KIRREL3: variants seen among roughly 807,000 people sequenced by gnomAD.
KIRREL3 encodes the protein kirre like nephrin family adhesion molecule 3.
KIRREL3 carries 36 observed loss-of-function variants against 89.7 expected under a neutral mutation model. That is an observed-to-expected ratio of 0.40 (90% CI 0.31 to 0.53). The LOEUF (loss-of-function observed/expected upper bound fraction) is 0.53, where lower values mean the gene tolerates loss of function less well. KIRREL3 is among the 20% of genes least tolerant of loss of function. The pLI, the probability that KIRREL3 is intolerant of heterozygous loss-of-function variation, is 0.49. For missense variants in KIRREL3, 864 were observed against 1,056.6 expected (o/e 0.82, Z 2.53); for synonymous variants, 445 against 441.4 (o/e 1.01, Z -0.10).
intron 1 of KIRREL3, among the ~76,000 whole-genome samples, chr11:126,680,311 C>T (rs753265024): frequency 2.6e-5 from 4 of 152,116 alleles, no homozygotes; most frequent in African/African-American, 4.8e-5. Flanking sequence ...TTCTTGGAAA[C>T]GTGCCAGCTA....
Position 126,474,308 on chromosome 11 carries a change from A to C in KIRREL3, c.434-842T>G, listed in dbSNP as rs933717499. ...TGCTGTCTGAGTTAGTCCTCACAAC[A>C]GTCTGGTGAGGTCAACATTACCACC... On this transcript the variant is annotated intron_variant, in intron 4 of 16. Coordinates refer to ENST00000525144, the MANE Select transcript of KIRREL3 (RefSeq NM_032531.4). The surrounding 1 kb of genome is among the most constrained non-coding windows in gnomAD (Gnocchi z 6.7). Among the ~76,000 whole-genome samples, 2 of 152,194 alleles carry C rather than the reference A, an allele frequency of 1.3e-5. No homozygotes were observed. The highest frequency in any genetic ancestry group is 4.8e-5 in the African/African-American group (2 of 41,456).
At chr11:126,841,402 C>A (rs569343130) in intron 1 of KIRREL3, among the ~76,000 whole-genome samples, 1 of 152,174 alleles carries the variant, frequency 6.6e-6, no homozygotes, top group Non-Finnish European at 1.5e-5. Context: ...CCACATATCC[C>A]CAGCAGCCAG....
At chr11:126,630,005 C>G (rs759704389) in intron 1 of KIRREL3, among the ~76,000 whole-genome samples, 36 of 152,194 alleles carry the variant, frequency 2.4e-4, no homozygotes, top group Non-Finnish European at 4.4e-4. Context: ...ATAGATTCAC[C>G]TGTTCTTTTC....
At chr11:126,893,153 C>T (rs909291995) in intron 1 of KIRREL3, among the ~76,000 whole-genome samples, 1 of 152,142 alleles carries the variant, frequency 6.6e-6, no homozygotes, top group African/African-American at 2.4e-5. Context: ...CCCACGCTTC[C>T]CTCACATCCG....
At chr11:126,974,035 C>T (rs1022103497) in intron 1 of KIRREL3, among the ~76,000 whole-genome samples, 2 of 152,144 alleles carry the variant, frequency 1.3e-5, no homozygotes, top group African/African-American at 4.8e-5. Context: ...GCAGGTGCCA[C>T]ATCTAGCTCT....
In KIRREL3 at chr11:126,713,370, G is replaced by A. The variant is rs542373721; in HGVS notation, c.56-150458C>T. On this transcript the variant is annotated intron_variant, in intron 1 of 16. Transcript: ENST00000525144. ...GTGGGCCAAGGTGGGGAGGGGATGA[G>A]GGCAGGGCTAGGGGCAGGGCCCCAG... is the stretch of plus-strand genomic sequence containing the variant. Among the ~76,000 whole-genome samples, 161 of 152,350 alleles carry A rather than the reference G, an allele frequency of 1.1e-3. 2 individuals are homozygous for A. In the South Asian group the frequency reaches 0.024, roughly 23 times the overall value.
intron 2 of KIRREL3, among the ~76,000 whole-genome samples, chr11:126,536,601 G>A (rs1937899192): frequency 6.6e-6 from 1 of 150,610 alleles, no homozygotes; most frequent in Non-Finnish European, 1.5e-5. Flanking sequence ...CCTGATGTGG[G>A]ATCGGGGGTG....
chr11:126,486,514 T>C lies in KIRREL3; in HGVS notation c.434-13048A>G, dbSNP rs1457069978. On this transcript the variant is annotated intron_variant, in intron 4 of 16. Transcript: ENST00000525144. This position sits in a 1 kb window ranked among gnomAD's most constrained non-coding sequence, Gnocchi z 6.2. ...CCGGCACATGCCCCCTTGCAGCCGC[T>C]CACAAAGCTCTCCAGCTGGTTTCGA... Among the ~76,000 whole-genome samples, 1 of 152,226 alleles carries C rather than the reference T, an allele frequency of 6.6e-6. No homozygotes were observed. Among genetic ancestry groups the C allele is most frequent in the East Asian group, 1.9e-4 (1 of 5,192 alleles).
intron 7 of KIRREL3, among the ~76,000 whole-genome samples, chr11:126,449,594 G>A (rs1304523468): frequency 2.6e-5 from 4 of 152,158 alleles, no homozygotes; most frequent in Non-Finnish European, 2.9e-5. Context: ...AGGGTCAAAC[G>A]GAGCATGCCC....
At position 126,903,963 on chromosome 11, in the gene KIRREL3, T is replaced by C. The variant is rs956531966; in HGVS notation, c.55+96492A>G. Among the ~76,000 whole-genome samples the C allele has an allele frequency of 3.3e-5, 5 of 152,170 alleles. No homozygotes were observed. Among genetic ancestry groups the C allele is most frequent in the Admixed American group, 6.5e-5 (1 of 15,280 alleles). ...TCACCCTGGAACAGAACCAGTTCTT[T>C]ACAAGGTGACCCTATAATAGCTATC... is the stretch of plus-strand genomic sequence containing the variant. On this transcript the variant is annotated intron_variant, in intron 1 of 16. Transcript: ENST00000525144. The surrounding 1 kb of genome is among the most constrained non-coding windows in gnomAD (Gnocchi z 4.5).
chr11:126,993,116 A>C lies in KIRREL3; in HGVS notation c.55+7339T>G, dbSNP rs1950083596. Among the ~76,000 whole-genome samples, 1 of 152,260 alleles carries C rather than the reference A, an allele frequency of 6.6e-6. No individual in the cohort carries two copies. The highest frequency in any genetic ancestry group is 1.5e-5 in the Non-Finnish European group (1 of 68,050). ...CATTTTTAGCCCCATGTGAAACACA[A>C]GAAATACCAAGAAGTAAAAATAACA... On this transcript the variant is annotated intron_variant, in intron 1 of 16. Transcript: ENST00000525144. This position sits in a 1 kb window ranked among gnomAD's most constrained non-coding sequence, Gnocchi z 6.1.
In KIRREL3 at chr11:126,541,065, C is replaced by A. The variant is rs927945998; in HGVS notation, c.134-14378G>T. On this transcript the variant is annotated intron_variant, in intron 2 of 16. Coordinates refer to ENST00000525144, the MANE Select transcript of KIRREL3 (RefSeq NM_032531.4). This position sits in a 1 kb window ranked among gnomAD's most constrained non-coding sequence, Gnocchi z 4.8. ...CGGCTATGGGCAGGCTCGGCTACAG[C>A]AGACAGAGTGCCCATCAACCCCTCT... 1.3e-5 allele frequency among the ~76,000 whole-genome samples: 2 copies of A among 152,294 alleles called. No individual in the cohort carries two copies. Among genetic ancestry groups the A allele is most frequent in the East Asian group, 3.9e-4 (2 of 5,174 alleles).
intron 4 of KIRREL3, among the ~76,000 whole-genome samples, chr11:126,506,777 A>ATT (rs35672890): frequency 0.12 from 18,567 of 148,818 alleles, 1,253 homozygotes; most frequent in Middle Eastern, 0.2. Flanking sequence ...CATAGCAACA[A>ATT]TTTTTTTTTT....
intron 1 of KIRREL3, among the ~76,000 whole-genome samples, chr11:126,921,983 CT>C: frequency 6.8e-6 from 1 of 147,794 alleles, no homozygotes; most frequent in South Asian, 2.2e-4. Context: ...ATCTATCTAT[CT>C]ATCTATCTAT....
intron 1 of KIRREL3, among the ~76,000 whole-genome samples, chr11:126,852,863 G>A (rs1373338213): frequency 6.6e-6 from 1 of 152,192 alleles, no homozygotes; most frequent in Admixed American, 6.5e-5. Context: ...GACTCCCTGA[G>A]CAGAGGCTGC....
In KIRREL3 at chr11:127,000,370, G is replaced by T; in HGVS notation, c.55+85C>A. The T allele has an allele frequency of 8.6e-7, 1 of 1,165,222 alleles. No homozygotes were observed. Among genetic ancestry groups the T allele is most frequent in the Non-Finnish European group, 1.2e-6 (1 of 815,894 alleles). 72.2% of individuals were successfully genotyped at this position (1,165,222 alleles called of 1,614,324 possible). A position where few individuals can be genotyped will look rare whatever the true frequency, so the allele number is the denominator to read the frequency against. On this transcript the variant is annotated intron_variant, in intron 1 of 16. Transcript: ENST00000525144. This position sits in a 1 kb window ranked among gnomAD's most constrained non-coding sequence, Gnocchi z 7.1. ...GCATCCATCAGTCCGAGTTCCCGAA[G>T]CCTGCCCACGTTCCTGCCCACAGCC...
Position 126,440,454 on chromosome 11 carries a change from G to T in KIRREL3, c.1348C>A (p.Arg450Ser). 1 of 1,574,580 alleles carries T rather than the reference G, an allele frequency of 6.4e-7. No homozygotes were observed. Among genetic ancestry groups the T allele is most frequent in the East Asian group, 2.4e-5 (1 of 42,478 alleles). ...CFIRSTPPPD[R>S]IAWSWKENVL... ...GCCGTCCCTGGAGCACTCACGATGCGGTCCGGCGGCGGCGTGCTCCGGATG... is the reference window on the plus strand; with the variant it reads ...GCCGTCCCTGGAGCACTCACGATGCTGTCCGGCGGCGGCGTGCTCCGGATG... Residue 450 changes from arginine (R) to serine (S), a missense_variant, in exon 11 of 17, where the codon CGC becomes AGC. By Grantham distance (110) the Arg-to-Ser change is moderately radical. Coordinates refer to ENST00000525144, the MANE Select transcript of KIRREL3 (RefSeq NM_032531.4).
chr11:126,632,141 A>G (rs984361125), intron 1 of KIRREL3, among the ~76,000 whole-genome samples: 5 of 152,238 alleles, frequency 3.3e-5, no homozygotes, highest in East Asian at 3.8e-4. Context: ...TGAATTTCCA[A>G]TAAGTTCCCA....
intron 1 of KIRREL3, among the ~76,000 whole-genome samples, chr11:126,790,764 T>C (rs780818300): frequency 1.3e-5 from 2 of 152,066 alleles, no homozygotes; most frequent in Non-Finnish European, 2.9e-5. Context: ...TGGGAGTGAC[T>C]GGAGCTCGGC....
Sources: allele counts gnomAD v4.1 joint callset (sites outside exome capture counted in the v4.1 genomes callset), GRCh38; gene constraint gnomAD v4.1.1; non-coding constraint Gnocchi (gnomAD v3.1); transcripts MANE v1.5; gene names NCBI Gene and HGNC (gene_info 2026-07-23, HGNC 2026-07-21).